The following PAPSS2 variants were observed in gnomAD, a reference collection of about 807,000 sequenced individuals.
PAPSS2 encodes bifunctional 3'-phosphoadenosine 5'-phosphosulfate synthase 2.
PAPSS2 carries 61 observed loss-of-function variants against 66.5 expected under a neutral mutation model. That is an observed-to-expected ratio of 0.92 (90% CI 0.75 to 1.14). The LOEUF (loss-of-function observed/expected upper bound fraction) is 1.14. PAPSS2 is among the 50% of genes most tolerant of loss of function. The pLI is 0.00. For missense variants in PAPSS2, 708 were observed against 789.6 expected (o/e 0.90, Z 1.24); for synonymous variants, 289 against 287.5 (o/e 1.01, Z -0.05).
rs1853637568 is a variant in PAPSS2, at chr10:87,724,732, G to T, written c.881-2552G>T. ...CATTGATATCTATATATAACATATA[G>T]ATATTATATCTGAATTATATAATAT... On this transcript the variant is annotated intron_variant, in intron 8 of 12. Transcript: ENST00000456849. Among the ~76,000 whole-genome samples the T allele has an allele frequency of 2.7e-5, 4 of 146,642 alleles. 1 individual carries two copies. The highest frequency in any genetic ancestry group is 7.5e-5 in the African/African-American group (3 of 40,090).
chr10:87,701,352 C>T (rs1248267098), intron 1 of PAPSS2, among the ~76,000 whole-genome samples: 1 of 93,954 alleles, frequency 1.1e-5, no homozygotes, highest in Non-Finnish European at 2.0e-5. Context: ...TTCTTTCTTT[C>T]TTTCTTTCTT....
Position 87,713,391 on chromosome 10 carries a change from G to A in PAPSS2, c.381+81G>A, listed in dbSNP as rs114671388. The A allele has an allele frequency of 6.6e-3, 5,119 of 780,612 alleles. 160 individuals carry two copies. The African/African-American group carries it at 0.074, about 11-fold the overall frequency. 48.4% of individuals were successfully genotyped at this position (780,612 alleles called of 1,614,324 possible). On this transcript the variant is annotated intron_variant, in intron 3 of 12. Coordinates refer to ENST00000456849, the MANE Select transcript of PAPSS2 (RefSeq NM_001015880.2). ...AGTGCTCTCCAACTGCTAGGGGAAGGAATCGGAGAGGGAGGGCATAAGAAT... is the reference window on the plus strand; with the variant it reads ...AGTGCTCTCCAACTGCTAGGGGAAGAAATCGGAGAGGGAGGGCATAAGAAT...
At chr10:87,689,355 AC>A (rs1380202483) in intron 1 of PAPSS2, among the ~76,000 whole-genome samples, 2,305 of 145,904 alleles carry the variant, frequency 0.016, 69 homozygotes, top group African/African-American at 0.057. Context: ...AAAAAAAAAA[AC>A]AAAAAAAACC....
At chr10:87,672,610 G>A (rs529046086) in intron 1 of PAPSS2, among the ~76,000 whole-genome samples, 2 of 152,218 alleles carry the variant, frequency 1.3e-5, no homozygotes, top group South Asian at 2.1e-4. Context: ...CATCCTGATT[G>A]CCTTTGTGTA....
intron 1 of PAPSS2, among the ~76,000 whole-genome samples, chr10:87,693,376 T>G (rs1436915410): frequency 6.6e-6 from 1 of 152,216 alleles, no homozygotes; most frequent in Non-Finnish European, 1.5e-5. Flanking sequence ...GAATTTTGAA[T>G]TTAATTGTTC....
chr10:87,665,586 A>G (rs1852806333), intron 1 of PAPSS2, among the ~76,000 whole-genome samples: 1 of 152,198 alleles, frequency 6.6e-6, no homozygotes, highest in Non-Finnish European at 1.5e-5. Flanking sequence ...CAGCTTGTGA[A>G]TACAACTTCC....
At chr10:87,678,027 A>C (rs1212445778) in intron 1 of PAPSS2, among the ~76,000 whole-genome samples, 8 of 152,232 alleles carry the variant, frequency 5.3e-5, no homozygotes, top group African/African-American at 9.6e-5. Flanking sequence ...CAAGAAAAAA[A>C]CATGAATCTT....
At chr10:87,699,168 C>T (rs1853271174) in intron 1 of PAPSS2, among the ~76,000 whole-genome samples, 1 of 152,204 alleles carries the variant, frequency 6.6e-6, no homozygotes, top group African/African-American at 2.4e-5. Context: ...ACACAAATTA[C>T]CACATGATCA....
intron 1 of PAPSS2, among the ~76,000 whole-genome samples, chr10:87,703,274 T>TGC (rs1243164178): frequency 9.9e-6 from 1 of 100,876 alleles, no homozygotes; most frequent in Non-Finnish European, 1.8e-5. Context: ...ACAACAACAT[T>TGC]GCGTGTGTGT....
intron 1 of PAPSS2, among the ~76,000 whole-genome samples, chr10:87,666,549 A>T (rs1852818392): frequency 6.7e-6 from 1 of 148,382 alleles, no homozygotes; most frequent in Non-Finnish European, 1.5e-5. Flanking sequence ...GGGAGTGCTC[A>T]CCTTGTCTTG....
chr10:87,661,806 G>A (rs766523924), intron 1 of PAPSS2, among the ~76,000 whole-genome samples: 6 of 152,124 alleles, frequency 3.9e-5, no homozygotes, highest in Non-Finnish European at 8.8e-5. Context: ...GTTTTATACA[G>A]CATTAAATTA....
chr10:87,736,011 C>T (rs922958982), intron 9 of PAPSS2, among the ~76,000 whole-genome samples: 14 of 152,160 alleles, frequency 9.2e-5, no homozygotes, highest in Non-Finnish European at 1.8e-4. Context: ...ACTCTTGCCT[C>T]CCTCTTCTCT....
chr10:87,746,148 C>A lies in PAPSS2; in HGVS notation c.*178C>A. ...ATATATACACACACACATATACATA[C>A]AAAGTCAAACTGAAGACCAAATCTT... On this transcript the variant is annotated 3_prime_UTR_variant, in exon 13 of 13. Transcript: ENST00000456849. 2 of 475,672 alleles carry A rather than the reference C, an allele frequency of 4.2e-6. No individual in the cohort carries two copies. The highest frequency in any genetic ancestry group is 2.0e-5 in the African/African-American group (1 of 50,532). 29.5% of individuals were successfully genotyped at this position (475,672 alleles called of 1,614,324 possible).
chr10:87,707,437 G>T (rs1445559762), intron 1 of PAPSS2, among the ~76,000 whole-genome samples: 5 of 151,852 alleles, frequency 3.3e-5, no homozygotes, highest in African/African-American at 4.8e-5. Context: ...TTTGCCATTT[G>T]CATGTTCATA....
At chr10:87,666,864 G>A (rs1852821790) in intron 1 of PAPSS2, among the ~76,000 whole-genome samples, 2 of 151,826 alleles carry the variant, frequency 1.3e-5, no homozygotes, top group South Asian at 4.2e-4. Context: ...GGAGCTCTGG[G>A]GGCTGCTGAA....
At chr10:87,697,897 G>A (rs1404516028) in intron 1 of PAPSS2, among the ~76,000 whole-genome samples, 1 of 152,166 alleles carries the variant, frequency 6.6e-6, no homozygotes, top group African/African-American at 2.4e-5. Context: ...TACAAGACCT[G>A]TAACAGCATG....
At chr10:87,714,361 G>A (rs1853505771) in intron 4 of PAPSS2, among the ~76,000 whole-genome samples, 179 bp downstream of exon 4, 2 of 152,020 alleles carry the variant, frequency 1.3e-5, no homozygotes, top group African/African-American at 2.4e-5. Context: ...TAAAAGGTAG[G>A]GTTTTATTTT....
chr10:87,706,656 G>T (rs1853394903), intron 1 of PAPSS2, among the ~76,000 whole-genome samples: 1 of 152,042 alleles, frequency 6.6e-6, no homozygotes, highest in Non-Finnish European at 1.5e-5. Flanking sequence ...CTACTTCTAG[G>T]GCTGGGGTGG....
intron 9 of PAPSS2, among the ~76,000 whole-genome samples, chr10:87,731,426 T>A (rs978398947): frequency 6.6e-6 from 1 of 152,234 alleles, no homozygotes; most frequent in African/African-American, 2.4e-5. Context: ...TTTTCATGCA[T>A]AACACCATCC....
Sources: gnomAD v4.1 joint callset for allele counts (sites outside exome capture counted in the v4.1 genomes callset) on GRCh38, gnomAD v4.1.1 for gene constraint, MANE v1.5 for transcripts, NCBI Gene and HGNC (gene_info 2026-07-23, HGNC 2026-07-21) for gene names.